The following CDH2 variants were observed in gnomAD, a reference collection of about 807,000 sequenced individuals.
The protein encoded by CDH2 is cadherin-2.
In CDH2, 17 loss-of-function variants were observed where a neutral mutation model predicts 92.0. That is an observed-to-expected ratio of 0.18 (90% CI 0.13 to 0.28). The LOEUF (loss-of-function observed/expected upper bound fraction) is 0.28, where lower values mean the gene tolerates loss of function less well. Among genes scored for constraint, CDH2 ranks in the 10% least tolerant of loss-of-function variants. The pLI is 1.00. For synonymous variants in CDH2, 419 were observed against 415.9 expected, an observed-to-expected ratio of 1.01 and a Z score of -0.09; for missense variants, 862 against 1,133.1, an observed-to-expected ratio of 0.76 and a Z score of 3.44.
intron 2 of CDH2, among the ~76,000 whole-genome samples, chr18:28,048,994 A>T (rs535051207): frequency 1.3e-5 from 2 of 152,290 alleles, no homozygotes; most frequent in African/African-American, 4.8e-5. Flanking sequence ...AACCTAGAGC[A>T]GCCACAAACT....
rs765677300 is a variant in CDH2, at chr18:27,985,604, A to G, written c.1899T>C (p.Asn633=). 1 of 1,614,078 alleles carries G rather than the reference A, an allele frequency of 6.2e-7. No homozygotes were observed. Among genetic ancestry groups the G allele is most frequent in the Admixed American group, 1.7e-5 (1 of 60,018 alleles). ...ITALDYDIDP[N]AGPFAFDLPL... is the part of the protein sequence containing the mutation. ...GAAGATCAAAAGCAAATGGTCCAGC[A>G]TTTGGATCAATGTCATAATCAAGTG... The change falls in exon 12 of 16, where the codon AAT becomes AAC. Residue 633 remains asparagine, a synonymous_variant. Coordinates refer to ENST00000269141, the MANE Select transcript of CDH2 (RefSeq NM_001792.5).
At chr18:28,061,355 T>C (rs1599070531) in intron 2 of CDH2, among the ~76,000 whole-genome samples, 1 of 152,282 alleles carries the variant, frequency 6.6e-6, no homozygotes, top group East Asian at 1.9e-4. Flanking sequence ...CTTAAAACTT[T>C]ATCCTAGGCT....
At chr18:28,105,588 A>T (rs918785035) in intron 2 of CDH2, among the ~76,000 whole-genome samples, 3 of 152,140 alleles carry the variant, frequency 2.0e-5, no homozygotes, top group African/African-American at 7.2e-5. Context: ...AATTATTATT[A>T]TTTTTTCTCC....
At chr18:27,963,678 T>C (rs2011467484) in intron 14 of CDH2, 157 bp from the exon 15 acceptor site, 1 of 612,626 alleles carries the variant, frequency 1.6e-6, no homozygotes, top group Non-Finnish European at 2.9e-6. Context: ...TATGATTAAA[T>C]ATTTCTTTCA....
At position 27,983,018 on chromosome 18, in the gene CDH2, A is replaced by G. The variant is rs1245912880; in HGVS notation, c.2275T>C (p.Leu759=). 2.5e-6 allele frequency: 4 copies of G among 1,612,234 alleles called. No homozygotes were observed. The highest frequency in any genetic ancestry group is 1.7e-5 in the Admixed American group (1 of 59,984). ...CTTACATCATCTTCTGGATCAATTA[A>G]AAGTTGTTTGGCCTGGCGTTCTTTA... The part of the protein sequence containing the change: ...RDKERQAKQL[L]IDPEDDVRDN... The change falls in exon 14 of 16, where the codon TTA becomes CTA. Residue 759 remains leucine (L), a synonymous_variant. Transcript: ENST00000269141.
chr18:28,095,090 T>G (rs565716194), intron 2 of CDH2, among the ~76,000 whole-genome samples: 22 of 152,310 alleles, frequency 1.4e-4, no homozygotes, highest in Admixed American at 1.2e-3. Context: ...GTTTTCACAC[T>G]CTGTCAGTTA....
intron 9 of CDH2, among the ~76,000 whole-genome samples, chr18:27,991,241 G>A (rs2012404881): frequency 6.6e-6 from 1 of 152,174 alleles, no homozygotes; most frequent in African/African-American, 2.4e-5. Flanking sequence ...AAAAACAAGA[G>A]CATTAAGATC....
intron 2 of CDH2, among the ~76,000 whole-genome samples, chr18:28,017,026 A>C (rs894378924): frequency 2.0e-5 from 3 of 152,072 alleles, no homozygotes; most frequent in African/African-American, 7.2e-5. Flanking sequence ...TGTTATAGCT[A>C]GTATTTTATT....
chr18:27,993,230 G>A lies in CDH2; in HGVS notation c.1158+270C>T, dbSNP rs551352498. Among the ~76,000 whole-genome samples, 9 of 152,290 alleles carry A rather than the reference G, an allele frequency of 5.9e-5. No homozygotes were observed. In the South Asian group the frequency reaches 1.2e-3, roughly 21 times the overall value. On this transcript the variant is annotated intron_variant, in intron 8 of 15. Transcript: ENST00000269141. ...CTCATGCACCTGAAAATATTCATAA[G>A]CATTTTGTTGTAACAGCACAGTCTT...
At chr18:28,098,993 T>C (rs1231240480) in intron 2 of CDH2, among the ~76,000 whole-genome samples, 2 of 152,158 alleles carry the variant, frequency 1.3e-5, no homozygotes, top group African/African-American at 4.8e-5. Flanking sequence ...TGGATTTAAG[T>C]AATCTATAAA....
chr18:28,169,121 T>G (rs562883580), intron 1 of CDH2, among the ~76,000 whole-genome samples: 1 of 152,194 alleles, frequency 6.6e-6, no homozygotes, highest in East Asian at 1.9e-4. Context: ...ATTTCTGAGG[T>G]TTAATACTAA....
chr18:28,044,284 G>A (rs1399570461), intron 2 of CDH2, among the ~76,000 whole-genome samples: 1 of 152,180 alleles, frequency 6.6e-6, no homozygotes, highest in Non-Finnish European at 1.5e-5. Flanking sequence ...TTTGCTGGCT[G>A]TACCCTGGAG....
At chr18:27,936,903 C>T (rs17462574) in intron 6 of CDH2, among the ~76,000 whole-genome samples, 2 of 152,164 alleles carry the variant, frequency 1.3e-5, no homozygotes, top group African/African-American at 4.8e-5. Context: ...AGGTAGGAGA[C>T]TGGCATTTTG....
At chr18:28,091,009 C>T (rs1416201305) in intron 2 of CDH2, among the ~76,000 whole-genome samples, 3 of 152,160 alleles carry the variant, frequency 2.0e-5, no homozygotes, top group African/African-American at 7.2e-5. Context: ...TGCTAGTCCT[C>T]CGGGCAGTTT....
chr18:27,957,285 G>A (rs139491971), intron 15 of CDH2, among the ~76,000 whole-genome samples: 3 of 152,000 alleles, frequency 2.0e-5, no homozygotes, highest in Admixed American at 6.6e-5. Context: ...GTCTCACTCT[G>A]TACTCCAGAC....
intron 2 of CDH2, among the ~76,000 whole-genome samples, chr18:28,099,147 T>A (rs965405565): frequency 2.0e-5 from 3 of 152,322 alleles, no homozygotes; most frequent in Middle Eastern, 3.4e-3. Flanking sequence ...TCTAATTATC[T>A]ACTGCAAATA....
intron 7 of CDH2, among the ~76,000 whole-genome samples, chr18:28,001,514 A>C (rs943033735): frequency 6.6e-6 from 1 of 152,226 alleles, no homozygotes. Context: ...TTCTCTAATA[A>C]ATTATGGCAT....
rs1265262047 is a variant in CDH2, at chr18:28,103,498, CAT to C, written c.172+44173_172+44174del. ...ATATATATACACACACACACACACA[CAT>C]ATATACACACACACACATATACTTT... On this transcript the variant is annotated intron_variant, in intron 2 of 15. Coordinates refer to ENST00000269141, the MANE Select transcript of CDH2 (RefSeq NM_001792.5). Among the ~76,000 whole-genome samples, 9 of 125,164 alleles carry C rather than the reference CAT, an allele frequency of 7.2e-5. 1 individual carries two copies. Among genetic ancestry groups the C allele is most frequent in the Admixed American group, 2.5e-4 (3 of 11,986 alleles). The allele number at this position is 125,164 out of a possible 152,430, so 82.1% of individuals were successfully genotyped here.
At chr18:27,959,867 A>G (rs1347013219) in intron 15 of CDH2, among the ~76,000 whole-genome samples, 1 of 152,082 alleles carries the variant, frequency 6.6e-6, no homozygotes, top group Admixed American at 6.6e-5. Flanking sequence ...TCATGGATTT[A>G]GGCCAGGTGT....
Sources: allele counts gnomAD v4.1 joint callset (sites outside exome capture counted in the v4.1 genomes callset), GRCh38; gene constraint gnomAD v4.1.1; transcripts MANE v1.5; gene names NCBI Gene and HGNC (gene_info 2026-07-23, HGNC 2026-07-21).